HCN1: variants seen among roughly 807,000 people sequenced by gnomAD.
HCN1 encodes the protein potassium/sodium hyperpolarization-activated cyclic nucleotide-gated channel 1.
Under a neutral mutation model 78.9 loss-of-function variants are expected in HCN1, and 13 were observed. The ratio of observed to expected loss-of-function variants is 0.16; its 90% CI spans 0.11 to 0.26. HCN1 has a LOEUF of 0.26. Among genes scored for constraint, HCN1 ranks in the 10% least tolerant of loss-of-function variants. The probability of loss-of-function intolerance (pLI) is 1.00; values close to 1 mark genes in which losing one functional copy is unlikely to be tolerated. For synonymous variants in HCN1, 552 were observed against 455.5 expected (o/e 1.21, Z -2.70); for missense variants, 810 against 1,154.3 (o/e 0.70, Z 4.32).
At chr5:45,498,644 G>C (rs1742107769) in intron 2 of HCN1, among the ~76,000 whole-genome samples, 1 of 152,138 alleles carries the variant, frequency 6.6e-6, no homozygotes, top group African/African-American at 2.4e-5. Context: ...GCGTTCCTTT[G>C]GAGGAGGAGA....
chr5:45,385,826 G>T (rs1309151615), intron 4 of HCN1, among the ~76,000 whole-genome samples: 1 of 152,072 alleles, frequency 6.6e-6, no homozygotes, highest in African/African-American at 2.4e-5. Context: ...GGGAATAATC[G>T]CATTCTTGGC....
chr5:45,560,734 TAAATC>T (rs957151162), intron 2 of HCN1, among the ~76,000 whole-genome samples: 10 of 152,214 alleles, frequency 6.6e-5, no homozygotes, highest in African/African-American at 2.2e-4. Context: ...TTCACACACT[TAAATC>T]AACTGCTCTA....
chr5:45,310,187 C>T (rs539123740), intron 5 of HCN1, among the ~76,000 whole-genome samples: 1 of 152,226 alleles, frequency 6.6e-6, no homozygotes, highest in African/African-American at 2.4e-5. Flanking sequence ...AACTAAAGAG[C>T]TTCTACACAC....
chr5:45,307,346 G>C (rs1201963098), intron 5 of HCN1, among the ~76,000 whole-genome samples: 1 of 152,110 alleles, frequency 6.6e-6, no homozygotes, highest in Admixed American at 6.6e-5. Flanking sequence ...AGGATGGGCT[G>C]AGCATTGAGC....
intron 1 of HCN1, among the ~76,000 whole-genome samples, chr5:45,659,346 G>A (rs1168487184): frequency 8.5e-6 from 1 of 118,184 alleles, no homozygotes; most frequent in East Asian, 2.9e-4. Context: ...AAACCACAAA[G>A]ATGGGGAAAA....
intron 2 of HCN1, among the ~76,000 whole-genome samples, chr5:45,596,122 T>A (rs1190376147): frequency 6.6e-6 from 1 of 152,026 alleles, no homozygotes; most frequent in Non-Finnish European, 1.5e-5. Context: ...ATGGTCTCTA[T>A]CTCCTGACCT....
rs543568151 is a variant in HCN1 at position 45,530,437 on chromosome 5, G to GT, written c.850-68431dup. On this transcript the variant is annotated intron_variant, in intron 2 of 7. Transcript: ENST00000303230. The stretch of plus-strand genomic sequence containing the variant: ...TTATATATATATATATACATATATA[G>GT]TTTTTTTTTTTAAAATAAAGGGTGC... Among the ~76,000 whole-genome samples, 463 of 143,766 alleles carry GT rather than the reference G, an allele frequency of 3.2e-3. 2 individuals are homozygous for GT. The highest frequency in any genetic ancestry group is 4.7e-3 in the African/African-American group (183 of 39,088). The allele number at this position is 143,766 out of a possible 152,430, so 94.3% of individuals were successfully genotyped here.
chr5:45,327,122 C>A (rs945685940), intron 5 of HCN1, among the ~76,000 whole-genome samples: 9 of 151,526 alleles, frequency 5.9e-5, no homozygotes, highest in South Asian at 2.1e-4. Flanking sequence ...TAAGGTCCAG[C>A]ACAATTTAGC....
At chr5:45,596,593 T>C (rs1744501329) in intron 2 of HCN1, among the ~76,000 whole-genome samples, 1 of 152,192 alleles carries the variant, frequency 6.6e-6, no homozygotes, top group Non-Finnish European at 1.5e-5. Context: ...AACAGGGAAT[T>C]AGAACATGGA....
intron 2 of HCN1, among the ~76,000 whole-genome samples, chr5:45,499,397 C>T (rs1200551475): frequency 2.6e-5 from 4 of 152,176 alleles, no homozygotes; most frequent in Admixed American, 2.6e-4. Context: ...AAGGGAACTC[C>T]CTGACCCCTT....
At chr5:45,409,481 G>C (rs552074793) in intron 3 of HCN1, among the ~76,000 whole-genome samples, 49 of 152,132 alleles carry the variant, frequency 3.2e-4, no homozygotes, top group African/African-American at 1.1e-3. Context: ...GTTAAAAAGA[G>C]CTTTCCCATT....
At chr5:45,442,797 T>C (rs1651995177) in intron 3 of HCN1, among the ~76,000 whole-genome samples, 1 of 152,066 alleles carries the variant, frequency 6.6e-6, no homozygotes, top group African/African-American at 2.4e-5. Flanking sequence ...TTACATTTGG[T>C]CTAATTCATA....
At chr5:45,384,347 T>C (rs923096085) in intron 4 of HCN1, among the ~76,000 whole-genome samples, 2 of 152,174 alleles carry the variant, frequency 1.3e-5, no homozygotes, top group Non-Finnish European at 2.9e-5. Flanking sequence ...ATCTTTGGAA[T>C]AATGTGAGAT....
At chr5:45,614,651 C>G (rs955350000) in intron 2 of HCN1, among the ~76,000 whole-genome samples, 1 of 152,066 alleles carries the variant, frequency 6.6e-6, no homozygotes, top group African/African-American at 2.4e-5. Flanking sequence ...GGCTTCTCCT[C>G]TTTTCTCTAA....
intron 4 of HCN1, among the ~76,000 whole-genome samples, chr5:45,362,477 A>C (rs1243728797): frequency 6.6e-6 from 1 of 152,098 alleles, no homozygotes; most frequent in Non-Finnish European, 1.5e-5. Flanking sequence ...TATTTCTCTT[A>C]TAAACAATGA....
chr5:45,267,059 T>A, intron 7 of HCN1, 30 bp downstream of exon 7: 1 of 1,579,852 alleles, frequency 6.3e-7, no homozygotes, highest in Non-Finnish European at 8.7e-7. Context: ...AGATTAAATT[T>A]TATATAAAGA....
intron 2 of HCN1, among the ~76,000 whole-genome samples, chr5:45,599,456 A>C (rs933297987): frequency 6.6e-6 from 1 of 152,064 alleles, no homozygotes; most frequent in African/African-American, 2.4e-5. Context: ...ATACCTAATG[A>C]AAATGACGAG....
At chr5:45,492,519 G>GGT (rs1554028377) in intron 2 of HCN1, among the ~76,000 whole-genome samples, 1 of 102,350 alleles carries the variant, frequency 9.8e-6, no homozygotes, top group African/African-American at 3.8e-5. Flanking sequence ...CAGTTTTTTT[G>GGT]TTTTTTTTTT....
chr5:45,332,436 T>C (rs1346506974), intron 5 of HCN1, among the ~76,000 whole-genome samples: 1 of 151,402 alleles, frequency 6.6e-6, no homozygotes, highest in Non-Finnish European at 1.5e-5. Context: ...TATTCATTCT[T>C]TCTATTTTTT....
Sources: gnomAD v4.1 joint callset for allele counts (sites outside exome capture counted in the v4.1 genomes callset) on GRCh38, gnomAD v4.1.1 for gene constraint, MANE v1.5 for transcripts, NCBI Gene and HGNC (gene_info 2026-07-23, HGNC 2026-07-21) for gene names.